Variants in PRKCE observed in about 807,000 individuals in gnomAD.
The protein encoded by PRKCE is protein kinase C epsilon type.
In PRKCE, 16 loss-of-function variants were observed where a neutral mutation model predicts 85.4. The ratio of observed to expected loss-of-function variants is 0.19; its 90% CI spans 0.13 to 0.28. The LOEUF is 0.28. Among genes scored for constraint, PRKCE ranks in the 10% least tolerant of loss-of-function variants. The probability of loss-of-function intolerance (pLI) is 1.00; values close to 1 mark genes in which losing one functional copy is unlikely to be tolerated. For synonymous variants in PRKCE, 388 were observed against 371.5 expected (o/e 1.04, Z -0.51); for missense variants, 573 against 975.2 (o/e 0.59, Z 5.49).
chr2:46,120,665 A>G (rs1673224334), intron 11 of PRKCE, among the ~76,000 whole-genome samples: 1 of 152,158 alleles, frequency 6.6e-6, no homozygotes, highest in Non-Finnish European at 1.5e-5. Flanking sequence ...ACTCTTCTGA[A>G]GATAGGAGAA....
intron 11 of PRKCE, among the ~76,000 whole-genome samples, chr2:46,117,245 T>A (rs1389150627): frequency 6.6e-6 from 1 of 152,210 alleles, no homozygotes; most frequent in Non-Finnish European, 1.5e-5. Flanking sequence ...CCTTTAACTG[T>A]CCTTTTGGGA....
chr2:45,918,279 C>A (rs1008546757), intron 2 of PRKCE, among the ~76,000 whole-genome samples: 7 of 152,176 alleles, frequency 4.6e-5, no homozygotes, highest in Admixed American at 4.6e-4. Flanking sequence ...GTGGAAGGGG[C>A]AGGTGGAGCC....
intron 1 of PRKCE, among the ~76,000 whole-genome samples, chr2:45,696,512 C>G (rs1678164150): frequency 6.6e-6 from 1 of 152,138 alleles, no homozygotes; most frequent in African/African-American, 2.4e-5. Context: ...TTGCCCTGAT[C>G]TCTCCATTTT....
At chr2:45,892,802 A>T (rs1326501353) in intron 2 of PRKCE, among the ~76,000 whole-genome samples, 2 of 152,204 alleles carry the variant, frequency 1.3e-5, no homozygotes, top group Non-Finnish European at 2.9e-5. Context: ...TAGCAAATAG[A>T]TTGTCCTTAC....
At chr2:45,810,813 T>C (rs1004800166) in intron 1 of PRKCE, among the ~76,000 whole-genome samples, 9 of 152,214 alleles carry the variant, frequency 5.9e-5, no homozygotes, top group Non-Finnish European at 1.3e-4. Context: ...AATTTTATAG[T>C]AGGGCACATT....
chr2:46,137,352 C>G (rs1048144058), intron 11 of PRKCE, among the ~76,000 whole-genome samples: 4 of 152,194 alleles, frequency 2.6e-5, no homozygotes, highest in African/African-American at 9.7e-5. Context: ...ACATAAATTA[C>G]TATACACAGA....
chr2:45,696,336 A>C (rs960282110), intron 1 of PRKCE, among the ~76,000 whole-genome samples: 1 of 152,106 alleles, frequency 6.6e-6, no homozygotes, highest in Non-Finnish European at 1.5e-5. Context: ...TTACATATTT[A>C]ACAGGAATAA....
intron 1 of PRKCE, among the ~76,000 whole-genome samples, chr2:45,809,772 C>T (rs370842582): frequency 6.4e-4 from 96 of 151,038 alleles, no homozygotes; most frequent in African/African-American, 2.2e-3. Flanking sequence ...CCCAGCTACT[C>T]GAGAGCCTGA....
At chr2:45,947,170 A>G (rs1328133590) in intron 2 of PRKCE, among the ~76,000 whole-genome samples, 1 of 152,270 alleles carries the variant, frequency 6.6e-6, no homozygotes, top group Non-Finnish European at 1.5e-5. Context: ...ACATGCTACA[A>G]TATGGATGAA....
chr2:45,829,074 AATTT>A (rs1690189288), intron 1 of PRKCE, among the ~76,000 whole-genome samples: 3 of 152,118 alleles, frequency 2.0e-5, no homozygotes, highest in Admixed American at 1.3e-4. Context: ...AATATGCTAC[AATTT>A]ATTTAAATAA....
intron 2 of PRKCE, among the ~76,000 whole-genome samples, chr2:45,854,406 C>T (rs1692516523): frequency 6.6e-6 from 1 of 152,154 alleles, no homozygotes; most frequent in Non-Finnish European, 1.5e-5. Flanking sequence ...TTGCTTATTC[C>T]AGGGCCTCAA....
At position 46,151,064 on chromosome 2, in the gene PRKCE, C is replaced by A. The variant is rs761213102; in HGVS notation, c.1755C>A (p.Gly585=). ...AGATCCTGCAGGAGTTGGAGTATGG[C>A]CCCTCCGTGGACTGGTGGGCCCTGG... is the stretch of plus-strand genomic sequence containing the variant. ...APEILQELEY[G]PSVDWWALGV... is the part of the protein sequence containing the mutation. Residue 585 remains glycine (G), a synonymous_variant, in exon 13 of 15, where the codon GGC becomes GGA. Transcript: ENST00000306156. 3.1e-6 allele frequency: 5 copies of A among 1,599,130 alleles called. No individual in the cohort carries two copies. Among genetic ancestry groups the A allele is most frequent in the Non-Finnish European group, 4.2e-6 (5 of 1,179,674 alleles).
At chr2:46,037,324 A>G (rs1227784011) in intron 10 of PRKCE, among the ~76,000 whole-genome samples, 2 of 152,222 alleles carry the variant, frequency 1.3e-5, no homozygotes, top group East Asian at 1.9e-4. Context: ...CCAAACTCCA[A>G]GTCAGGCCTA....
At chr2:45,917,774 G>A (rs968904866) in intron 2 of PRKCE, among the ~76,000 whole-genome samples, 1 of 152,228 alleles carries the variant, frequency 6.6e-6, no homozygotes, top group African/African-American at 2.4e-5. Flanking sequence ...GTCGGGGGTG[G>A]GAGGCTCAGG....
intron 1 of PRKCE, among the ~76,000 whole-genome samples, chr2:45,720,190 G>A (rs1004988338): frequency 2.6e-5 from 4 of 152,184 alleles, no homozygotes; most frequent in African/African-American, 9.7e-5. Flanking sequence ...TGCAGTAGGT[G>A]AGGGAAACAA....
At chr2:45,850,418 G>A (rs557523813) in intron 2 of PRKCE, among the ~76,000 whole-genome samples, 1 of 152,268 alleles carries the variant, frequency 6.6e-6, no homozygotes, top group South Asian at 2.1e-4. Flanking sequence ...AAAGAAGATT[G>A]TTTCTGGAAA....
intron 14 of PRKCE, among the ~76,000 whole-genome samples, chr2:46,176,374 A>G (rs1041062694): frequency 2.6e-5 from 4 of 152,142 alleles, no homozygotes; most frequent in African/African-American, 9.6e-5. Context: ...CAGGTTACGG[A>G]AGAATCTGCT....
At chr2:45,993,964 A>T (rs572218908) in intron 6 of PRKCE, among the ~76,000 whole-genome samples, 2 of 151,998 alleles carry the variant, frequency 1.3e-5, no homozygotes, top group Non-Finnish European at 2.9e-5. Flanking sequence ...CTTTAGCCCA[A>T]TGGGCATCTT....
In PRKCE at chr2:45,750,441, A is replaced by C. The variant is rs182642842; in HGVS notation, c.349-92559A>C. 7.9e-5 allele frequency among the ~76,000 whole-genome samples: 12 copies of C among 152,280 alleles called. No homozygotes were observed. In the East Asian group the frequency reaches 2.3e-3, roughly 29 times the overall value. ...CTTATAGTTCCTCCTTCCCATACCA[A>C]AATTTGCGGTCCCATTGCCTTGGTG... On this transcript the variant is annotated intron_variant, in intron 1 of 14. Transcript: ENST00000306156.
Sources: gnomAD v4.1 joint callset for allele counts (sites outside exome capture counted in the v4.1 genomes callset) on GRCh38, gnomAD v4.1.1 for gene constraint, MANE v1.5 for transcripts, NCBI Gene and HGNC (gene_info 2026-07-23, HGNC 2026-07-21) for gene names.